SNX7: variants seen among roughly 807,000 people sequenced by gnomAD.
SNX7 encodes sorting nexin-7.
SNX7 carries 35 observed loss-of-function variants against 48.4 expected under a neutral mutation model. That is an observed-to-expected ratio of 0.72 (90% CI 0.55 to 0.96). The LOEUF (loss-of-function observed/expected upper bound fraction) is 0.96, where lower values mean the gene tolerates loss of function less well. Ranked by LOEUF, SNX7 falls within the 40% of genes least tolerant of loss-of-function variation. The pLI, the probability that SNX7 is intolerant of heterozygous loss-of-function variation, is 0.00. For missense variants in SNX7, 553 were observed against 548.9 expected (o/e 1.01, Z -0.07); for synonymous variants, 190 against 190.2 (o/e 1.00, Z 0.01).
At chr1:98,726,600 A>C (rs1255214599) in intron 7 of SNX7, among the ~76,000 whole-genome samples, 1 of 152,196 alleles carries the variant, frequency 6.6e-6, no homozygotes, top group African/African-American at 2.4e-5. Flanking sequence ...CATCAAGTGA[A>C]TATTTAGTCC....
chr1:98,700,327 A>C (rs1183055946), intron 6 of SNX7, among the ~76,000 whole-genome samples: 1 of 152,170 alleles, frequency 6.6e-6, no homozygotes, highest in Admixed American at 6.6e-5. Flanking sequence ...TTTACTCAAA[A>C]TGTATTTGTG....
chr1:98,662,826 A>G (rs1274730309), intron 1 of SNX7: 2 of 1,289,264 alleles, frequency 1.6e-6, no homozygotes, highest in Admixed American at 4.6e-5. Flanking sequence ...GGTAAAGCAA[A>G]CGACCTACTT....
intron 7 of SNX7, among the ~76,000 whole-genome samples, chr1:98,731,646 A>T (rs1452412927): frequency 6.6e-6 from 1 of 152,118 alleles, no homozygotes; most frequent in Non-Finnish European, 1.5e-5. Flanking sequence ...ACTCTGCTGC[A>T]CACCAAGGCT....
intron 4 of SNX7, among the ~76,000 whole-genome samples, chr1:98,692,727 C>A (rs1296061352): frequency 1.3e-5 from 2 of 152,158 alleles, no homozygotes; most frequent in African/African-American, 4.8e-5. Context: ...TACAATAGTA[C>A]AGTGTGTAGT....
rs1319914143 is a variant in SNX7, at chr1:98,663,252, GGTTTTTTTTTT to G, written c.180+1342_180+1352del. ...ATCAGAATCATCAGGGTTTCTTTCTGGTTTTTTTTTTTTTTTTTTTTTTTTTTTTTTTTTTT... is the reference window on the plus strand; with the variant it reads ...ATCAGAATCATCAGGGTTTCTTTCTGTTTTTTTTTTTTTTTTTTTTTTTTT... On this transcript the variant is annotated intron_variant, in intron 1 of 8. Coordinates refer to ENST00000306121, the MANE Select transcript of SNX7 (RefSeq NM_015976.5). 1.7e-3 allele frequency among the ~76,000 whole-genome samples: 145 copies of G among 83,154 alleles called. 11 individuals carry two copies. Among genetic ancestry groups the G allele is most frequent in the East Asian group, 0.014 (34 of 2,478 alleles). 54.6% of individuals were successfully genotyped at this position (83,154 alleles called of 152,430 possible).
intron 5 of SNX7, among the ~76,000 whole-genome samples, 171 bp downstream of exon 5, chr1:98,695,887 T>C (rs1651429716): frequency 6.6e-6 from 1 of 152,222 alleles, no homozygotes; most frequent in Non-Finnish European, 1.5e-5. Flanking sequence ...AAGGTAGTTA[T>C]GGCCAGTCTC....
intron 1 of SNX7, among the ~76,000 whole-genome samples, chr1:98,683,959 C>T (rs933540920): frequency 2.2e-4 from 33 of 152,096 alleles, no homozygotes; most frequent in African/African-American, 8.0e-4. Context: ...GGGAAAGTTA[C>T]CTGATTGCCT....
chr1:98,665,057 T>C (rs59029350), intron 1 of SNX7, among the ~76,000 whole-genome samples: 1,761 of 152,324 alleles, frequency 0.012, 23 homozygotes, highest in African/African-American at 0.04. Flanking sequence ...TTGCCTTTAT[T>C]TTTATTGAAT....
intron 1 of SNX7, among the ~76,000 whole-genome samples, chr1:98,668,757 G>A (rs1293481598): frequency 6.6e-6 from 1 of 152,168 alleles, no homozygotes; most frequent in Non-Finnish European, 1.5e-5. Flanking sequence ...AATGTTTACA[G>A]TTTTGAAGGG....
At chr1:98,723,657 C>A (rs1165662405) in intron 7 of SNX7, among the ~76,000 whole-genome samples, 1 of 152,036 alleles carries the variant, frequency 6.6e-6, no homozygotes, top group Non-Finnish European at 1.5e-5. Context: ...AGTTCAATAG[C>A]AGCCTGGCCA....
chr1:98,757,239 G>T (rs1373000811), intron 8 of SNX7, among the ~76,000 whole-genome samples: 1 of 152,010 alleles, frequency 6.6e-6, no homozygotes, highest in African/African-American at 2.4e-5. Context: ...TTATAGCAAT[G>T]CAAGAACAGC....
At chr1:98,740,351 A>T (rs1299104944) in intron 8 of SNX7, among the ~76,000 whole-genome samples, 1 of 152,176 alleles carries the variant, frequency 6.6e-6, no homozygotes, top group Non-Finnish European at 1.5e-5. Context: ...CAGAATTGTT[A>T]AGAAAGTCAA....
chr1:98,737,079 C>CTCT (rs1553205898), intron 7 of SNX7, among the ~76,000 whole-genome samples: 1 of 149,412 alleles, frequency 6.7e-6, no homozygotes, highest in Non-Finnish European at 1.5e-5. Context: ...TTTCCCCTCG[C>CTCT]TTTTTTTTTT....
intron 4 of SNX7, among the ~76,000 whole-genome samples, chr1:98,692,917 C>T (rs1384270816): frequency 1.3e-5 from 2 of 152,098 alleles, no homozygotes; most frequent in Non-Finnish European, 2.9e-5. Flanking sequence ...TATCCACATA[C>T]ATTTTGTGGA....
intron 1 of SNX7, among the ~76,000 whole-genome samples, chr1:98,681,467 A>C (rs1401770721): frequency 6.6e-6 from 1 of 152,206 alleles, no homozygotes; most frequent in East Asian, 1.9e-4. Flanking sequence ...TGAAAATGTA[A>C]TCATAATTCA....
At position 98,671,171 on chromosome 1, in the gene SNX7, A is replaced by T. The variant is rs953767150; in HGVS notation, c.180+9260A>T. On this transcript the variant is annotated intron_variant, in intron 1 of 8. Transcript: ENST00000306121. ...ATTCATGTTTATTTATTTGTGTCCC[A>T]CACTTTCCAAAGAAGATATGAGACT... Among the ~76,000 whole-genome samples, 3 of 152,288 alleles carry T rather than the reference A, an allele frequency of 2.0e-5. No individual in the cohort carries two copies. In the East Asian group the frequency reaches 5.8e-4, roughly 29 times the overall value.
intron 7 of SNX7, among the ~76,000 whole-genome samples, chr1:98,714,445 T>C (rs1045138625): frequency 5.4e-5 from 6 of 111,482 alleles, no homozygotes; most frequent in Non-Finnish European, 2.1e-5. Context: ...GAGCTTATTC[T>C]CTAGTGGAAG....
intron 7 of SNX7, among the ~76,000 whole-genome samples, chr1:98,728,740 G>A (rs1169479313): frequency 1.3e-5 from 2 of 152,110 alleles, no homozygotes; most frequent in African/African-American, 4.8e-5. Context: ...AGCAAGAAGA[G>A]CTAACTAATC....
chr1:98,690,119 T>C (rs1177802753), intron 2 of SNX7, among the ~76,000 whole-genome samples: 1 of 152,130 alleles, frequency 6.6e-6, no homozygotes, highest in Non-Finnish European at 1.5e-5. Context: ...TCTGTGTGGG[T>C]GATGGATATT....
Sources: gnomAD v4.1 joint callset for allele counts (sites outside exome capture counted in the v4.1 genomes callset) on GRCh38, gnomAD v4.1.1 for gene constraint, MANE v1.5 for transcripts, NCBI Gene and HGNC (gene_info 2026-07-23, HGNC 2026-07-21) for gene names.